The following DSCAML1 variants were observed in gnomAD, a reference collection of about 807,000 sequenced individuals.
DSCAML1 encodes cell adhesion molecule DSCAML1.
Under a neutral mutation model 200.5 loss-of-function variants are expected in DSCAML1, and 38 were observed. The ratio of observed to expected loss-of-function variants is 0.19; its 90% CI spans 0.15 to 0.25. DSCAML1 has a LOEUF of 0.25. Among genes scored for constraint, DSCAML1 ranks in the 10% least tolerant of loss-of-function variants. The pLI is 1.00. For missense variants in DSCAML1, 2,223 were observed against 2,858.8 expected, an observed-to-expected ratio of 0.78 and a Z score of 5.07; for synonymous variants, 1,215 against 1,165.0, an observed-to-expected ratio of 1.04 and a Z score of -0.87.
upstream of DSCAML1, among the ~76,000 whole-genome samples, chr11:117,798,356 T>A (rs966167339): frequency 6.6e-6 from 1 of 152,212 alleles, no homozygotes; most frequent in African/African-American, 2.4e-5. Flanking sequence ...GCGGCCTAAG[T>A]TCACATGGGA....
intron 28 of DSCAML1, 92 bp from the exon 29 acceptor site, chr11:117,433,348 C>A: frequency 1.3e-6 from 2 of 1,577,334 alleles, no homozygotes; most frequent in Non-Finnish European, 8.6e-7. Context: ...AGAAGCCTGC[C>A]TCCTATTCTG....
At chr11:117,702,028 C>T (rs1332937071) in intron 3 of DSCAML1, among the ~76,000 whole-genome samples, 1 of 152,166 alleles carries the variant, frequency 6.6e-6, no homozygotes, top group East Asian at 1.9e-4. Context: ...GACCTGGTAC[C>T]AAAACTGGCT....
rs543959898 is a variant in DSCAML1, at chr11:117,434,896, G to A, written c.4876+748C>T. Reference sequence around the variant, plus strand: ...TTACCCAATTCCTGAACACAATAGGGAGCATTAGTCATTCCCTCTTCTGTG... The same window carrying A: ...TTACCCAATTCCTGAACACAATAGGAAGCATTAGTCATTCCCTCTTCTGTG... On this transcript the variant is annotated intron_variant, in intron 27 of 32. Coordinates refer to ENST00000651296, the MANE Select transcript of DSCAML1 (RefSeq NM_020693.4). Among the ~76,000 whole-genome samples, 7 of 152,236 alleles carry A rather than the reference G, an allele frequency of 4.6e-5. No homozygotes were observed. The East Asian group carries it at 1.4e-3, about 29-fold the overall frequency.
rs566393828 is a variant in DSCAML1 at position 117,462,035 on chromosome 11, C to A, written c.3266-439G>T. Among the ~76,000 whole-genome samples the A allele has an allele frequency of 1.9e-4, 29 of 152,304 alleles. No homozygotes were observed. The South Asian group carries it at 6.0e-3, about 32-fold the overall frequency. ...ATCACCTCATCTGATGGCTGCCAGC[C>A]CCTCTGTGTCGTCTGACCAGGGGTC... On this transcript the variant is annotated intron_variant, in intron 17 of 32. Coordinates refer to ENST00000651296, the MANE Select transcript of DSCAML1 (RefSeq NM_020693.4).
chr11:117,433,733 C>G (rs2047851162), intron 27 of DSCAML1, among the ~76,000 whole-genome samples: 4 of 152,214 alleles, frequency 2.6e-5, no homozygotes, highest in African/African-American at 4.8e-5. Context: ...TCCCAAAGCA[C>G]TGGGGGCATA....
intron 3 of DSCAML1, among the ~76,000 whole-genome samples, chr11:117,754,653 T>A (rs2137876338): frequency 1.3e-5 from 2 of 152,290 alleles, no homozygotes; most frequent in Middle Eastern, 6.8e-3. Flanking sequence ...TTTTAGCTAT[T>A]CTTGAAACAG....
intron 3 of DSCAML1, among the ~76,000 whole-genome samples, chr11:117,653,042 A>G (rs1282466993): frequency 6.6e-6 from 1 of 152,176 alleles, no homozygotes; most frequent in East Asian, 1.9e-4. Flanking sequence ...TGGCATCCAA[A>G]TGGTGACAGA....
chr11:117,438,540 C>T (rs1227448954), intron 24 of DSCAML1, among the ~76,000 whole-genome samples: 1 of 151,986 alleles, frequency 6.6e-6, no homozygotes, highest in Non-Finnish European at 1.5e-5. Context: ...TGCATTGTTA[C>T]AAGGCCCCTT....
At chr11:117,808,149 A>C (rs1318006567) in intron 1 of DSCAML1, among the ~76,000 whole-genome samples, 1 of 152,338 alleles carries the variant, frequency 6.6e-6, no homozygotes, top group East Asian at 1.9e-4. Flanking sequence ...TCACATGAAG[A>C]TACCACAGCA....
rs569736628 is a variant in DSCAML1 at position 117,437,830 on chromosome 11, G to C, written c.4432+65C>G. 384 of 1,472,116 alleles carry C rather than the reference G, an allele frequency of 2.6e-4. 2 individuals carry two copies. In the African/African-American group the frequency reaches 4.6e-3, roughly 18 times the overall value. 91.2% of individuals were successfully genotyped at this position (1,472,116 alleles called of 1,614,324 possible). On this transcript the variant is annotated intron_variant, in intron 25 of 32. Coordinates refer to ENST00000651296, the MANE Select transcript of DSCAML1 (RefSeq NM_020693.4). This position sits in a 1 kb window ranked among gnomAD's most constrained non-coding sequence, Gnocchi z 5.3. ...CCCAGCCACCTTACACCCCATACCT[G>C]GCCCCTCTAGCCCACCCTCCCTGGG...
chr11:117,521,395 A>G lies in DSCAML1; in HGVS notation c.948T>C (p.His316=), dbSNP rs35503235. The G allele has an allele frequency of 0.026, 41,762 of 1,612,862 alleles. 615 individuals are homozygous for G. Among genetic ancestry groups the G allele is most frequent in the African/African-American group, 0.053 (3,992 of 75,028 alleles). Residue 316 remains histidine (H), a synonymous_variant, in exon 6 of 33, where the codon CAT becomes CAC. Transcript: ENST00000651296. The part of the protein sequence containing the change: ...TGILMVIDPL[H]VTLTPKKLKT... ...TCAGCTTCTTTGGTGTCAGGGTCAC[A>G]TGAAGGGGATCTGGGCCGGGCCAGG... is the stretch of plus-strand genomic sequence containing the variant.
chr11:117,697,488 G>A (rs1291395122), intron 3 of DSCAML1, among the ~76,000 whole-genome samples: 1 of 151,994 alleles, frequency 6.6e-6, no homozygotes, highest in Non-Finnish European at 1.5e-5. Flanking sequence ...GTACCATTCA[G>A]CAGTGTTAAG....
In DSCAML1 at chr11:117,797,098, T is replaced by C; in HGVS notation, c.-19A>G. 6.3e-7 allele frequency: 1 copy of C among 1,588,032 alleles called. No homozygotes were observed. Among genetic ancestry groups the C allele is most frequent in the African/African-American group, 1.4e-5 (1 of 72,284 alleles). On this transcript the variant is annotated 5_prime_UTR_variant, in exon 1 of 33. Coordinates refer to ENST00000651296, the MANE Select transcript of DSCAML1 (RefSeq NM_020693.4). Reference sequence around the variant, plus strand: ...GCCACATGCCATAAAGAGGCCCTATTCTCCGGGGAGGTGGTCCTGTGGCCG... The same window carrying C: ...GCCACATGCCATAAAGAGGCCCTATCCTCCGGGGAGGTGGTCCTGTGGCCG...
chr11:117,709,302 G>A (rs1440491420), intron 3 of DSCAML1, among the ~76,000 whole-genome samples: 2 of 152,208 alleles, frequency 1.3e-5, no homozygotes, highest in Non-Finnish European at 2.9e-5. Flanking sequence ...AGGTGCCAAT[G>A]GGGTCAGAGA....
intron 11 of DSCAML1, among the ~76,000 whole-genome samples, chr11:117,497,665 T>C (rs1349050773): frequency 6.6e-6 from 1 of 152,242 alleles, no homozygotes; most frequent in African/African-American, 2.4e-5. Context: ...GGGTGGGCAC[T>C]GGGCCCCAGG....
intron 3 of DSCAML1, among the ~76,000 whole-genome samples, chr11:117,557,262 C>G (rs1016558612): frequency 6.6e-6 from 1 of 152,140 alleles, no homozygotes; most frequent in African/African-American, 2.4e-5. Context: ...AAGGTGACCT[C>G]TCAGGATTAG....
At chr11:117,610,851 C>CA (rs2051676736) in intron 3 of DSCAML1, among the ~76,000 whole-genome samples, 2 of 147,812 alleles carry the variant, frequency 1.4e-5, no homozygotes, top group African/African-American at 2.5e-5. Flanking sequence ...CCCCCCCCCC[C>CA]CACAATGTGT....
intron 3 of DSCAML1, among the ~76,000 whole-genome samples, chr11:117,723,803 C>G (rs1001348520): frequency 6.6e-6 from 1 of 152,202 alleles, no homozygotes; most frequent in Non-Finnish European, 1.5e-5. Context: ...TCATCTGCAG[C>G]GTCTCCTCCC....
intron 8 of DSCAML1, among the ~76,000 whole-genome samples, chr11:117,512,685 CATG>C (rs2049656483): frequency 4.4e-5 from 3 of 67,808 alleles, no homozygotes; most frequent in Admixed American, 1.2e-4. Flanking sequence ...CACACACACA[CATG>C]CCTGCTATGC....
Sources: allele counts gnomAD v4.1 joint callset (sites outside exome capture counted in the v4.1 genomes callset), GRCh38; gene constraint gnomAD v4.1.1; non-coding constraint Gnocchi (gnomAD v3.1); transcripts MANE v1.5; gene names NCBI Gene and HGNC (gene_info 2026-07-23, HGNC 2026-07-21).